The following EGFL6 variants were observed in gnomAD, a reference collection of about 807,000 sequenced individuals.
EGFL6 encodes EGF like domain multiple 6.
In EGFL6, 42 loss-of-function variants were observed where a neutral mutation model predicts 43.1. The ratio of observed to expected loss-of-function variants is 0.98; its 90% confidence interval spans 0.76 to 1.26. The LOEUF is 1.26. EGFL6 is among the 50% of genes most tolerant of loss of function. The pLI, the probability that EGFL6 is intolerant of heterozygous loss-of-function variation, is 0.00. For synonymous variants in EGFL6, 164 were observed against 163.2 expected, an observed-to-expected ratio of 1.01 and a Z score of -0.04; for missense variants, 429 against 427.8, an observed-to-expected ratio of 1.00 and a Z score of -0.02.
At chrX:13,572,617 G>A (rs1015130549) in intron 1 of EGFL6, among the ~76,000 whole-genome samples, 1 of 111,729 alleles carries the variant, frequency 9.0e-6, no homozygotes, top group Non-Finnish European at 1.9e-5. Context: ...GGAGATTAAC[G>A]TTTGGAGCAA....
chrX:13,617,446 T>C (rs2045724912), intron 7 of EGFL6, among the ~76,000 whole-genome samples: 1 of 112,431 alleles, frequency 8.9e-6, no homozygotes, highest in Non-Finnish European at 1.9e-5. Flanking sequence ...ATCCATGTCT[T>C]TGGGATCTGT....
intron 2 of EGFL6, among the ~76,000 whole-genome samples, chrX:13,592,670 G>T (rs1265799005): frequency 9.1e-6 from 1 of 110,158 alleles, no homozygotes. Context: ...GGCATTCATA[G>T]GTGGCTGGAG....
intron 4 of EGFL6, among the ~76,000 whole-genome samples, chrX:13,600,970 C>G (rs1429677192): frequency 9.1e-6 from 1 of 110,497 alleles, no homozygotes; most frequent in African/African-American, 3.3e-5. Flanking sequence ...CTCACTCCCC[C>G]TCCTCCAGCC....
chrX:13,613,240 A>T (rs2045702381), intron 7 of EGFL6, among the ~76,000 whole-genome samples: 1 of 106,289 alleles, frequency 9.4e-6, no homozygotes, highest in Non-Finnish European at 1.9e-5. Flanking sequence ...AAAATTTCAG[A>T]CTCTACATTG....
At chrX:13,602,948 G>A (rs1306650802) in intron 4 of EGFL6, among the ~76,000 whole-genome samples, 1 of 112,212 alleles carries the variant, frequency 8.9e-6, no homozygotes, top group Non-Finnish European at 1.9e-5. Context: ...GATTACTCAG[G>A]TTGATAATCT....
intron 9 of EGFL6, among the ~76,000 whole-genome samples, chrX:13,619,794 G>A (rs752576581): frequency 4.5e-5 from 5 of 111,651 alleles, no homozygotes; most frequent in East Asian, 5.6e-4. Flanking sequence ...GGCCTGCTTC[G>A]TGATGTTGCT....
intron 1 of EGFL6, among the ~76,000 whole-genome samples, chrX:13,574,410 G>A (rs2045459491): frequency 9.0e-6 from 1 of 111,678 alleles, no homozygotes; most frequent in South Asian, 3.7e-4. Context: ...CAAATTTCAG[G>A]ACAAAAACTC....
rs187046298 is a variant in EGFL6, at chrX:13,584,675, G to A, written c.75-4881G>A. 5.7e-4 allele frequency among the ~76,000 whole-genome samples: 64 copies of A among 111,879 alleles called. No homozygotes were observed. The Middle Eastern group carries it at 0.018, about 32-fold the overall frequency. On this transcript the variant is annotated intron_variant, in intron 1 of 11. Transcript: ENST00000361306. Reference sequence around the variant, plus strand: ...AGAAATACAGTGCTAACATCTACCCGATGGTGCATCCCTCTGACGCTCTAT... The same window carrying A: ...AGAAATACAGTGCTAACATCTACCCAATGGTGCATCCCTCTGACGCTCTAT...
rs1210555884 is a variant in EGFL6 at position 13,627,864 on chromosome X, G to A, written c.1551+588G>A. On this transcript the variant is annotated intron_variant, in intron 11 of 11. Transcript: ENST00000361306. Reference sequence around the variant, plus strand: ...AGAGGCTTGCAGTTTTTGTCTCCCAGTAGAGTCATATGGGCAGCTATTAAT... The same window carrying A: ...AGAGGCTTGCAGTTTTTGTCTCCCAATAGAGTCATATGGGCAGCTATTAAT... Among the ~76,000 whole-genome samples the A allele has an allele frequency of 6.2e-5, 7 of 112,008 alleles. No homozygotes were observed. In the Admixed American group the frequency reaches 6.6e-4, roughly 11 times the overall value.
chrX:13,573,049 T>C (rs1602633808), intron 1 of EGFL6, among the ~76,000 whole-genome samples: 2 of 112,304 alleles, frequency 1.8e-5, no homozygotes, highest in South Asian at 7.4e-4. Context: ...TGATTCTTCC[T>C]TGTTTTCTTC....
rs980784426 is a variant in EGFL6 at position 13,593,357 on chromosome X, A to G, written c.188-1479A>G. Among the ~76,000 whole-genome samples, 2 of 112,100 alleles carry G rather than the reference A, an allele frequency of 1.8e-5. 1 individual carries two copies. On this transcript the variant is annotated intron_variant, in intron 2 of 11. Transcript: ENST00000361306. The stretch of plus-strand genomic sequence containing the variant: ...TAGTTTAATGTCGTGTCTGACATAA[A>G]GTTTGCTAGGAGCAGAGCCTGAAAG...
intron 5 of EGFL6, among the ~76,000 whole-genome samples, chrX:13,606,059 C>T (rs766203630): frequency 3.6e-5 from 4 of 112,111 alleles, no homozygotes; most frequent in East Asian, 2.8e-4. Flanking sequence ...TCAGCACACA[C>T]GTAATGTATA....
chrX:13,595,518 C>T (rs1023543638), intron 3 of EGFL6, among the ~76,000 whole-genome samples: 1 of 111,632 alleles, frequency 9.0e-6, no homozygotes. Flanking sequence ...AGTGTGAATA[C>T]TTTTATCCTT....
chrX:13,615,368 A>G (rs1237823494), intron 7 of EGFL6, among the ~76,000 whole-genome samples: 2 of 112,438 alleles, frequency 1.8e-5, no homozygotes, highest in Non-Finnish European at 3.8e-5. Flanking sequence ...CCCTTTCCTC[A>G]TTATTTATTA....
Position 13,623,854 on chromosome X carries a change from A to G in EGFL6, c.1214A>G (p.Asn405Ser), listed in dbSNP as rs2146708851. 4 of 1,209,391 alleles carry G rather than the reference A, an allele frequency of 3.3e-6. No individual in the cohort carries two copies. The highest frequency in any genetic ancestry group is 3.5e-5 in the African/African-American group (2 of 57,666). ...DLNISVDCSF[N>S]HGICDWKQDR... is the part of the protein sequence containing the mutation. Reference sequence around the variant, plus strand: ...AATATCTCGGTTGACTGCAGCTTCAATCATGGGATCTGTGACTGGAAACAG... The same window carrying G: ...AATATCTCGGTTGACTGCAGCTTCAGTCATGGGATCTGTGACTGGAAACAG... Residue 405 changes from asparagine (N) to serine (S), a missense_variant, in exon 10 of 12, where the codon AAT (asparagine) becomes AGT (serine). By Grantham distance (46) the Asn-to-Ser change is conservative (BLOSUM62 1). Transcript: ENST00000361306.
In EGFL6 at chrX:13,633,209, CAG is replaced by C. The variant is rs1463864882; in HGVS notation, c.*116_*117del. 1.8e-6 allele frequency: 1 copy of C among 558,510 alleles called. No homozygotes were observed. Among genetic ancestry groups the C allele is most frequent in the Non-Finnish European group, 2.8e-6 (1 of 362,840 alleles). The allele number at this position is 558,510 out of a possible 1,213,427, so 46.0% of individuals were successfully genotyped here. ...TAGCTGAAAAATTGTAATGTACCAA[CAG>C]AAATATTATTGTAAGATGCCTTTCT... On this transcript the variant is annotated 3_prime_UTR_variant, in exon 12 of 12. Coordinates refer to ENST00000361306, the MANE Select transcript of EGFL6 (RefSeq NM_015507.4).
At chrX:13,604,456 T>C (rs1388999225) in intron 5 of EGFL6, among the ~76,000 whole-genome samples, 1 of 111,087 alleles carries the variant, frequency 9.0e-6, no homozygotes, top group Non-Finnish European at 1.9e-5. Flanking sequence ...CTCTGGGACA[T>C]GACCCCCCAG....
Position 13,619,192 on chromosome X carries a change from G to A in EGFL6, c.1132G>A (p.Gly378Ser), listed in dbSNP as rs200143589. 33 of 1,209,753 alleles carry A rather than the reference G, an allele frequency of 2.7e-5. No individual in the cohort carries two copies. The highest frequency in any genetic ancestry group is 2.3e-4 in the Middle Eastern group (1 of 4,354). Residue 378 changes from glycine to serine, a missense_variant, in exon 9 of 12, where the codon GGC becomes AGC. By Grantham distance (56) the Gly-to-Ser change is moderately conservative (BLOSUM62 0). Coordinates refer to ENST00000361306, the MANE Select transcript of EGFL6 (RefSeq NM_015507.4). ...FPKVNEAGEFGLILVQRKALT... is the reference protein window; with the variant it reads ...FPKVNEAGEFSLILVQRKALT... The stretch of plus-strand genomic sequence containing the variant: ...TAAGGTGAATGAAGCAGGTGAATTC[G>A]GCCTGATTCTGGTCCAAAGGAAAGC...
At chrX:13,624,010 A>C in intron 10 of EGFL6, 85 bp downstream of exon 10, 1 of 766,797 alleles carries the variant, frequency 1.3e-6, no homozygotes, top group Non-Finnish European at 2.0e-6. Context: ...TATTCCCATT[A>C]CTCATCAGAG....
Sources: allele counts gnomAD v4.1 joint callset (sites outside exome capture counted in the v4.1 genomes callset), GRCh38; gene constraint gnomAD v4.1.1; transcripts MANE v1.5; gene names NCBI Gene and HGNC (gene_info 2026-07-23, HGNC 2026-07-21).